KIAA0232: variants seen among roughly 807,000 people sequenced by gnomAD.
KIAA0232 encodes KIAA0232.
A neutral mutation model predicts 122.0 loss-of-function variants in KIAA0232; 27 were observed. That is an observed-to-expected ratio of 0.22 (90% CI 0.16 to 0.31). The LOEUF is 0.31. Ranked by LOEUF, KIAA0232 falls within the 10% of genes least tolerant of loss-of-function variation. The pLI is 1.00. For missense variants in KIAA0232, 1,551 were observed against 1,634.2 expected (o/e 0.95, Z 0.88); for synonymous variants, 613 against 587.6 (o/e 1.04, Z -0.63).
rs1722194933 is a variant in KIAA0232, at chr4:6,884,070, A to G, written c.*3104A>G. ...TTGGTTGTTTATTCAGTATCTGAAT[A>G]ACGTTTCTATGGACATCTGTAAACA... On this transcript the variant is annotated 3_prime_UTR_variant, in exon 10 of 10. Transcript: ENST00000307659. The G allele has an allele frequency of 6.6e-6, 1 of 152,226 alleles. No homozygotes were observed. The highest frequency in any genetic ancestry group is 2.4e-5 in the African/African-American group (1 of 41,462). 9.4% of individuals were successfully genotyped at this position (152,226 alleles called of 1,614,324 possible). A position where few individuals can be genotyped will look rare whatever the true frequency, so the allele number is the denominator to read the frequency against.
intron 5 of KIAA0232, among the ~76,000 whole-genome samples, chr4:6,857,652 T>A (rs1456134523): frequency 6.6e-6 from 1 of 152,232 alleles, no homozygotes; most frequent in Non-Finnish European, 1.5e-5. Flanking sequence ...TAAATTAAGA[T>A]GTTAAGACAT....
At chr4:6,809,663 C>G (rs1717788599) in intron 2 of KIAA0232, among the ~76,000 whole-genome samples, 1 of 152,052 alleles carries the variant, frequency 6.6e-6, no homozygotes, top group African/African-American at 2.4e-5. Context: ...CAATAATATG[C>G]TCTTATATCT....
At chr4:6,829,676 C>T (rs1718868667) in intron 3 of KIAA0232, among the ~76,000 whole-genome samples, 1 of 152,210 alleles carries the variant, frequency 6.6e-6, no homozygotes, top group Non-Finnish European at 1.5e-5. Context: ...TGACCTGGAA[C>T]ATTAAGCTTA....
chr4:6,863,490 ATAC>A lies in KIAA0232; in HGVS notation c.3110_3112del (p.Tyr1037del). ...TTCAAGTCGAAGATCCTGGACTTGA[ATAC>A]TCATTTTCTTCCTTTGACTTAAGCA... On this transcript the variant is annotated inframe_deletion, in exon 7 of 10. Transcript: ENST00000307659. The A allele has an allele frequency of 1.2e-6, 2 of 1,614,192 alleles. No individual in the cohort carries two copies. The highest frequency in any genetic ancestry group is 1.7e-6 in the Non-Finnish European group (2 of 1,180,028).
At chr4:6,853,021 A>G (rs777174508) in intron 4 of KIAA0232, among the ~76,000 whole-genome samples, 6 of 152,162 alleles carry the variant, frequency 3.9e-5, no homozygotes, top group Admixed American at 2.0e-4. Context: ...TACTTTCTGG[A>G]GAGATTAAGT....
intron 9 of KIAA0232, among the ~76,000 whole-genome samples, chr4:6,878,379 T>TCATA (rs112843703): frequency 0.021 from 3,198 of 149,270 alleles, 110 homozygotes; most frequent in African/African-American, 0.068. Context: ...CATCATTCAT[T>TCATA]CATACATACA....
intron 3 of KIAA0232, among the ~76,000 whole-genome samples, chr4:6,837,516 G>T (rs1218517195): frequency 6.6e-6 from 1 of 152,218 alleles, no homozygotes; most frequent in African/African-American, 2.4e-5. Context: ...CGGGGTGGCG[G>T]CCAGGCAGAG....
chr4:6,815,045 TAA>T (rs35090346), intron 2 of KIAA0232, among the ~76,000 whole-genome samples: 1 of 147,428 alleles, frequency 6.8e-6, no homozygotes, highest in Non-Finnish European at 1.5e-5. Context: ...AAGGGAACGT[TAA>T]AAAAAAAAAC....
rs1339163121 is a variant in KIAA0232 at position 6,842,099 on chromosome 4, A to T, written c.264A>T (p.Gly88=). 1 of 1,613,642 alleles carries T rather than the reference A, an allele frequency of 6.2e-7. No individual in the cohort carries two copies. Residue 88 remains glycine (G), a synonymous_variant, in exon 4 of 10, where the codon GGA becomes GGT. Coordinates refer to ENST00000307659, the MANE Select transcript of KIAA0232 (RefSeq NM_014743.3). Reference sequence around the variant, plus strand: ...ACATCTTCCTGGGCTGGGAAAAAGGAGCTTATAAGAAATGGGGAAAGAGTA... The same window carrying T: ...ACATCTTCCTGGGCTGGGAAAAAGGTGCTTATAAGAAATGGGGAAAGAGTA... ...ENDIFLGWEK[G]AYKKWGKSKK... is the part of the protein sequence containing the mutation.
Position 6,824,668 on chromosome 4 carries a change from AC to A in KIAA0232, c.216del (p.Tyr72Ter). Reference sequence around the variant, plus strand: ...CTTCTGCTGCATGACAGCTATGACTACGACCTGCAGGAACAGGTATTTACAT... The same window carrying A: ...CTTCTGCTGCATGACAGCTATGACTAGACCTGCAGGAACAGGTATTTACAT... ...LSLLLHDSYD[Y>X]DLQEQENDIF... On this transcript the variant is annotated frameshift_variant, in exon 3 of 10. Transcript: ENST00000307659. LOFTEE classifies it high-confidence loss of function. The A allele has an allele frequency of 6.2e-7, 1 of 1,614,014 alleles. No individual in the cohort carries two copies. Among genetic ancestry groups the A allele is most frequent in the Non-Finnish European group, 8.5e-7 (1 of 1,179,828 alleles).
rs1306847948 is a variant in KIAA0232 at position 6,863,355 on chromosome 4, A to G, written c.2973A>G (p.Lys991=). ...SFAPGHRQLW[K]PFVSFEQNDQ... is the part of the protein sequence containing the mutation. ...CTCCTGGGCACAGGCAGTTATGGAA[A>G]CCCTTCGTGTCATTTGAACAGAATG... The change falls in exon 7 of 10, where the codon AAA becomes AAG. Residue 991 remains lysine, a synonymous_variant. Transcript: ENST00000307659. The G allele has an allele frequency of 1.2e-6, 2 of 1,614,096 alleles. No homozygotes were observed. The highest frequency in any genetic ancestry group is 1.7e-5 in the Admixed American group (1 of 59,998).
intron 2 of KIAA0232, among the ~76,000 whole-genome samples, chr4:6,817,476 A>G (rs561386134): frequency 4.9e-4 from 74 of 152,240 alleles, no homozygotes; most frequent in African/African-American, 1.5e-3. Flanking sequence ...CGGCCTCCCA[A>G]AGTGCTGGGA....
At chr4:6,832,260 C>A (rs1719025820) in intron 3 of KIAA0232, among the ~76,000 whole-genome samples, 1 of 152,008 alleles carries the variant, frequency 6.6e-6, no homozygotes, top group East Asian at 1.9e-4. Flanking sequence ...TATTTTTCTT[C>A]ATGACATTTT....
chr4:6,812,953 T>TA (rs1266421836), intron 2 of KIAA0232, among the ~76,000 whole-genome samples: 1 of 152,124 alleles, frequency 6.6e-6, no homozygotes, highest in African/African-American at 2.4e-5. Flanking sequence ...TACAGTGTAT[T>TA]ACAAAAAAGG....
chr4:6,851,556 A>G (rs183961344), intron 4 of KIAA0232, among the ~76,000 whole-genome samples: 57 of 151,946 alleles, frequency 3.8e-4, no homozygotes, highest in African/African-American at 1.3e-3. Flanking sequence ...TGAAAAAAAA[A>G]CAAAAGAAAA....
intron 6 of KIAA0232, among the ~76,000 whole-genome samples, chr4:6,860,603 C>A (rs1720800979): frequency 6.6e-6 from 1 of 152,156 alleles, no homozygotes; most frequent in Admixed American, 6.5e-5. Context: ...ACTATTTGTC[C>A]TTTTTGACTT....
chr4:6,828,605 T>C (rs996978408), intron 3 of KIAA0232, among the ~76,000 whole-genome samples: 1 of 152,240 alleles, frequency 6.6e-6, no homozygotes, highest in Non-Finnish European at 1.5e-5. Flanking sequence ...ACCTGTCTCC[T>C]TAAACATTTA....
At chr4:6,868,605 C>A (rs111466182) in intron 7 of KIAA0232, among the ~76,000 whole-genome samples, 12 of 152,156 alleles carry the variant, frequency 7.9e-5, no homozygotes, top group Non-Finnish European at 1.3e-4. Flanking sequence ...GAGGGCAGCA[C>A]TGAGGCCGCT....
At chr4:6,877,821 A>G (rs185200624) in intron 9 of KIAA0232, among the ~76,000 whole-genome samples, 1 of 152,260 alleles carries the variant, frequency 6.6e-6, no homozygotes, top group East Asian at 1.9e-4. Flanking sequence ...ACCCCCACAG[A>G]CACACCCAGG....
Sources: allele counts gnomAD v4.1 joint callset (sites outside exome capture counted in the v4.1 genomes callset), GRCh38; gene constraint gnomAD v4.1.1; transcripts MANE v1.5; gene names NCBI Gene and HGNC (gene_info 2026-07-23, HGNC 2026-07-21).